The following MBNL2 variants were observed in gnomAD, a reference collection of about 807,000 sequenced individuals.
The protein encoded by MBNL2 is muscleblind like splicing regulator 2.
Under a neutral mutation model 41.9 loss-of-function variants are expected in MBNL2, and 17 were observed. The ratio of observed to expected loss-of-function variants is 0.41; its 90% CI spans 0.28 to 0.61. The LOEUF (loss-of-function observed/expected upper bound fraction) is 0.61. Among genes scored for constraint, MBNL2 ranks in the 20% least tolerant of loss-of-function variants. MBNL2 has a pLI of 0.35. For missense variants in MBNL2, 336 were observed against 505.6 expected (o/e 0.66, Z 3.22); for synonymous variants, 195 against 182.9 (o/e 1.07, Z -0.53).
At chr13:97,142,075 A>G in the MBNL2 span, among the ~76,000 whole-genome samples, 1 of 152,218 alleles carries the variant, frequency 6.6e-6, no homozygotes, top group East Asian at 1.9e-4. Flanking sequence ...ACCGATAGAA[A>G]TTGATAGAGA....
Position 97,334,148 on chromosome 13 carries a change from C to CCACACACACCCA in MBNL2, c.175-119_175-118insCCACACACACAC. On this transcript the variant is annotated intron_variant, in intron 2 of 8. Coordinates refer to ENST00000679496, the MANE Select transcript of MBNL2 (RefSeq NM_001382683.1). This position sits in a 1 kb window ranked among gnomAD's most constrained non-coding sequence, Gnocchi z 5.3. ...AACACATGAGCATGCGCGCGCACAC[C>CCACACACACCCA]CACACACACACACACACACACACAC... 1 of 546,456 alleles carries CCACACACACCCA rather than the reference C, an allele frequency of 1.8e-6. No individual in the cohort carries two copies. Among genetic ancestry groups the CCACACACACCCA allele is most frequent in the Non-Finnish European group, 3.2e-6 (1 of 311,686 alleles). The allele number at this position is 546,456 out of a possible 1,614,324, so 33.9% of individuals were successfully genotyped here. A position where few individuals can be genotyped will look rare whatever the true frequency, so the allele number is the denominator to read the frequency against.
At chr13:97,161,208 G>C in the MBNL2 span, among the ~76,000 whole-genome samples, 1 of 152,176 alleles carries the variant, frequency 6.6e-6, no homozygotes, top group African/African-American at 2.4e-5. Context: ...ATGGCATTTA[G>C]CATTGAGAGG....
At chr13:97,256,716 C>G (rs1594103180) in intron 1 of MBNL2, among the ~76,000 whole-genome samples, 1 of 152,146 alleles carries the variant, frequency 6.6e-6, no homozygotes, top group Non-Finnish European at 1.5e-5. Flanking sequence ...CTCAGGACAA[C>G]CTGGTAGAGA....
the MBNL2 span, among the ~76,000 whole-genome samples, chr13:97,207,195 T>A: frequency 6.6e-6 from 1 of 152,160 alleles, no homozygotes; most frequent in African/African-American, 2.4e-5. Flanking sequence ...CAGCAATCAA[T>A]AAGAGTGAGG....
chr13:97,383,462 A>T (rs964356898), intron 8 of MBNL2, among the ~76,000 whole-genome samples: 22 of 152,350 alleles, frequency 1.4e-4, no homozygotes, highest in African/African-American at 5.1e-4. Context: ...GTTTTAAATG[A>T]CAATTTTTCT....
intron 2 of MBNL2, among the ~76,000 whole-genome samples, chr13:97,283,606 A>G (rs2152950631): frequency 6.6e-6 from 1 of 152,320 alleles, no homozygotes; most frequent in South Asian, 2.1e-4. Flanking sequence ...CTCACAGACT[A>G]TTTCAAACAA....
Position 97,291,282 on chromosome 13 carries a change from C to T in MBNL2, c.174+14873C>T, listed in dbSNP as rs185963952. 2.2e-3 allele frequency among the ~76,000 whole-genome samples: 332 copies of T among 152,094 alleles called. 1 individual carries two copies. Among genetic ancestry groups the T allele is most frequent in the African/African-American group, 7.3e-3 (301 of 41,504 alleles). ...TTTGAGACAGAGTCTCACTCTGTTG[C>T]CCAGGCTGGAGTGCAGTGGTGCAGT... On this transcript the variant is annotated intron_variant, in intron 2 of 8. Coordinates refer to ENST00000679496, the MANE Select transcript of MBNL2 (RefSeq NM_001382683.1).
chr13:97,388,146 C>T (rs1227989208), intron 8 of MBNL2, among the ~76,000 whole-genome samples: 3 of 152,026 alleles, frequency 2.0e-5, no homozygotes, highest in Non-Finnish European at 4.4e-5. Flanking sequence ...TAAGGTTGAT[C>T]CACATCAGAT....
chr13:97,216,406 A>G, the MBNL2 span, among the ~76,000 whole-genome samples: 1 of 152,218 alleles, frequency 6.6e-6, no homozygotes, highest in Admixed American at 6.5e-5. Flanking sequence ...ACTAGAAAAA[A>G]AAGTAAAAAA....
rs573089522 is a variant in MBNL2 at position 97,315,021 on chromosome 13, AAAT to A, written c.175-19251_175-19249del. Among the ~76,000 whole-genome samples the A allele has an allele frequency of 3.8e-3, 579 of 152,310 alleles. 6 individuals carry two copies. The highest frequency in any genetic ancestry group is 0.013 in the African/African-American group (559 of 41,570). On this transcript the variant is annotated intron_variant, in intron 2 of 8. Transcript: ENST00000679496. The stretch of plus-strand genomic sequence containing the variant: ...AAATGAAATGTATTTTCATATATAT[AAAT>A]AATTTGTATTAATTTGTAGAAGTTT...
intron 1 of MBNL2, among the ~76,000 whole-genome samples, chr13:97,249,822 A>C (rs2046179073): frequency 2.0e-5 from 3 of 152,232 alleles, no homozygotes; most frequent in Admixed American, 2.0e-4. Flanking sequence ...TCCCCCCTCA[A>C]AGTTCTATAG....
At chr13:97,373,585 GACTT>G (rs1471494187) in intron 8 of MBNL2, among the ~76,000 whole-genome samples, 1 of 148,048 alleles carries the variant, frequency 6.8e-6, no homozygotes, top group Non-Finnish European at 1.5e-5. Flanking sequence ...GCACAATCCA[GACTT>G]ACTTAGTATG....
At chr13:97,199,220 C>A in the MBNL2 span, among the ~76,000 whole-genome samples, 1 of 152,186 alleles carries the variant, frequency 6.6e-6, no homozygotes, top group South Asian at 2.1e-4. Context: ...TCCCTTACAT[C>A]GTTCATGTCT....
At chr13:97,341,489 C>A (rs930271239) in intron 3 of MBNL2, among the ~76,000 whole-genome samples, 20 of 152,142 alleles carry the variant, frequency 1.3e-4, no homozygotes, top group Non-Finnish European at 7.4e-5. Context: ...GAGTAACATA[C>A]ACATATAAAC....
At chr13:97,321,167 G>A (rs1406943816) in intron 2 of MBNL2, among the ~76,000 whole-genome samples, 1 of 152,102 alleles carries the variant, frequency 6.6e-6, no homozygotes, top group African/African-American at 2.4e-5. Context: ...GTCAACCAGG[G>A]CACTCTGGCC....
intron 2 of MBNL2, among the ~76,000 whole-genome samples, chr13:97,295,636 G>A (rs2152988627): frequency 6.6e-6 from 1 of 152,200 alleles, no homozygotes; most frequent in East Asian, 1.9e-4. Flanking sequence ...TACCCAGCTG[G>A]CAAGCTTAGC....
chr13:97,375,001 A>C (rs1011611461), intron 8 of MBNL2, among the ~76,000 whole-genome samples: 4 of 152,164 alleles, frequency 2.6e-5, no homozygotes, highest in Non-Finnish European at 4.4e-5. Context: ...ACTCATGGGC[A>C]CTTATCTACC....
intron 1 of MBNL2, among the ~76,000 whole-genome samples, chr13:97,260,361 G>A (rs2048374564): frequency 6.6e-6 from 1 of 152,254 alleles, no homozygotes; most frequent in African/African-American, 2.4e-5. Context: ...GTCCCGCTCT[G>A]TGAGGTGGGG....
chr13:97,339,871 G>GT (rs142257683), intron 3 of MBNL2, among the ~76,000 whole-genome samples: 13,194 of 110,858 alleles, frequency 0.12, 830 homozygotes, highest in Non-Finnish European at 0.13. Flanking sequence ...ATTTGTGTGT[G>GT]GGCGGGGGGG....
Sources: gnomAD v4.1 joint callset for allele counts (sites outside exome capture counted in the v4.1 genomes callset) on GRCh38, gnomAD v4.1.1 for gene constraint, Gnocchi (gnomAD v3.1) non-coding constraint, MANE v1.5 for transcripts, NCBI Gene and HGNC (gene_info 2026-07-23, HGNC 2026-07-21) for gene names.